TMEM120B: variants seen among roughly 807,000 people sequenced by gnomAD.
TMEM120B encodes transmembrane protein 120B.
TMEM120B carries 31 observed loss-of-function variants against 55.5 expected under a neutral mutation model. The ratio of observed to expected loss-of-function variants is 0.56; its 90% confidence interval spans 0.42 to 0.75. The LOEUF (loss-of-function observed/expected upper bound fraction) is 0.75. Among genes scored for constraint, TMEM120B ranks in the 30% least tolerant of loss-of-function variants. The probability of loss-of-function intolerance (pLI) is 0.00; values close to 1 mark genes in which losing one functional copy is unlikely to be tolerated. For synonymous variants in TMEM120B, 203 were observed against 176.3 expected, an observed-to-expected ratio of 1.15 and a Z score of -1.20; for missense variants, 399 against 425.5, an observed-to-expected ratio of 0.94 and a Z score of 0.55.
chr12:121,740,444 C>T (rs1372991735), intron 1 of TMEM120B, among the ~76,000 whole-genome samples: 1 of 151,484 alleles, frequency 6.6e-6, no homozygotes, highest in Non-Finnish European at 1.5e-5. Context: ...GAGATCATGC[C>T]ACTGCACTCC....
chr12:121,765,622 T>C (rs145033347), intron 6 of TMEM120B, among the ~76,000 whole-genome samples: 171 of 152,268 alleles, frequency 1.1e-3, no homozygotes, highest in African/African-American at 3.5e-3. Flanking sequence ...AGTCTAAAAG[T>C]ATTTGTGTTT....
At chr12:121,768,031 T>G (rs1592947447) in intron 6 of TMEM120B, among the ~76,000 whole-genome samples, 1 of 152,172 alleles carries the variant, frequency 6.6e-6, no homozygotes, top group African/African-American at 2.4e-5. Flanking sequence ...TGGTTGCTCT[T>G]CAAGCTGGAA....
At chr12:121,740,926 GTC>G (rs1435770582) in intron 1 of TMEM120B, among the ~76,000 whole-genome samples, 1 of 152,102 alleles carries the variant, frequency 6.6e-6, no homozygotes, top group Non-Finnish European at 1.5e-5. Flanking sequence ...GGGCCATATG[GTC>G]TCTGTCACAA....
rs559490702 is a variant in TMEM120B at position 121,732,702 on chromosome 12, G to A, written c.70-10927G>A. On this transcript the variant is annotated intron_variant, in intron 1 of 11. Transcript: ENST00000449592. ...ACTTACTAAATCTAATAACAAGGCCGGACGCGGTGGCTCACGCCTGTAATC... is the reference window on the plus strand; with the variant it reads ...ACTTACTAAATCTAATAACAAGGCCAGACGCGGTGGCTCACGCCTGTAATC... Among the ~76,000 whole-genome samples the A allele has an allele frequency of 2.1e-4, 32 of 152,054 alleles. No individual in the cohort carries two copies. In the East Asian group the frequency reaches 5.2e-3, roughly 25 times the overall value.
chr12:121,718,894 G>A (rs1229047388), intron 1 of TMEM120B, among the ~76,000 whole-genome samples: 1 of 152,032 alleles, frequency 6.6e-6, no homozygotes, highest in East Asian at 1.9e-4. Context: ...GTGTGTGGAT[G>A]TCTCTCTCTC....
Position 121,777,614 on chromosome 12 carries a change from T to C in TMEM120B, c.*1892T>C, listed in dbSNP as rs1064169. 0.22 allele frequency: 33,634 copies of C among 152,128 alleles called. 6,102 individuals are homozygous for C. The highest frequency in any genetic ancestry group is 0.49 in the African/African-American group (20,394 of 41,428). The allele number at this position is 152,128 out of a possible 1,614,324, so 9.4% of individuals were successfully genotyped here. On this transcript the variant is annotated 3_prime_UTR_variant, in exon 12 of 12. Transcript: ENST00000449592. ...TCTGGTCCTTTTTAGGCACCTGCGT[T>C]TGCCCTAGATTAGGAGTCAGCTAGC...
intron 5 of TMEM120B, among the ~76,000 whole-genome samples, chr12:121,756,227 G>GT (rs1369471409): frequency 6.6e-6 from 1 of 152,172 alleles, no homozygotes; most frequent in East Asian, 1.9e-4. Context: ...GCCGGGTGTG[G>GT]TGGTTCATGC....
chr12:121,734,474 T>C (rs2137068717), intron 1 of TMEM120B, among the ~76,000 whole-genome samples: 1 of 151,976 alleles, frequency 6.6e-6, no homozygotes, highest in Admixed American at 6.6e-5. Flanking sequence ...GTCAGGTTGG[T>C]CTCGAACTCC....
At chr12:121,722,265 ATTTT>A (rs1368914780) in intron 1 of TMEM120B, among the ~76,000 whole-genome samples, 1 of 151,936 alleles carries the variant, frequency 6.6e-6, no homozygotes, top group Non-Finnish European at 1.5e-5. Context: ...CAGCAGGCTA[ATTTT>A]TTTATTTGTA....
Position 121,778,015 on chromosome 12 carries a change from G to C in TMEM120B, c.*2293G>C, listed in dbSNP as rs1452929642. ...GCTGACGCCCCAGCACTGGGCCAGG[G>C]GGGCTGAGGCAGGAGATATGGGGAA... On this transcript the variant is annotated 3_prime_UTR_variant, in exon 12 of 12. Transcript: ENST00000449592. The C allele has an allele frequency of 2.6e-5, 4 of 152,208 alleles. No homozygotes were observed. The highest frequency in any genetic ancestry group is 9.7e-5 in the African/African-American group (4 of 41,440). 9.4% of individuals were successfully genotyped at this position (152,208 alleles called of 1,614,324 possible). A position where few individuals can be genotyped will look rare whatever the true frequency, so the allele number is the denominator to read the frequency against.
intron 5 of TMEM120B, among the ~76,000 whole-genome samples, chr12:121,752,720 C>G (rs1372878669): frequency 6.6e-6 from 1 of 152,010 alleles, no homozygotes; most frequent in Non-Finnish European, 1.5e-5. Context: ...TGCACTCCAG[C>G]CTGGGTGACA....
At chr12:121,750,745 C>T (rs1360393415) in intron 4 of TMEM120B, among the ~76,000 whole-genome samples, 11 of 142,364 alleles carry the variant, frequency 7.7e-5, no homozygotes, top group African/African-American at 2.9e-4. Context: ...ACCCCATACT[C>T]ACACCCCACA....
At position 121,748,312 on chromosome 12, in the gene TMEM120B, A is replaced by G. The variant is rs777675816; in HGVS notation, c.189-14A>G. The G allele has an allele frequency of 6.2e-7, 1 of 1,601,572 alleles. No homozygotes were observed. The highest frequency in any genetic ancestry group is 8.5e-7 in the Non-Finnish European group (1 of 1,170,610). ...GTGACGCCCCTTCCCCTGTGCCTGC[A>G]TCTCTGTCCGCAGGTGCAAACGCCA... On this transcript the variant is annotated splice_polypyrimidine_tract_variant and intron_variant, in intron 2 of 11. Transcript: ENST00000449592.
At chr12:121,758,924 C>T (rs1038162520) in intron 5 of TMEM120B, 44 of 984,242 alleles carry the variant, frequency 4.5e-5, no homozygotes, top group Non-Finnish European at 3.5e-5. Flanking sequence ...CTGTGGTCAC[C>T]ATGGAGGAGG....
chr12:121,718,805 G>A (rs752548340), intron 1 of TMEM120B, among the ~76,000 whole-genome samples: 3 of 152,200 alleles, frequency 2.0e-5, no homozygotes, highest in African/African-American at 7.2e-5. Flanking sequence ...TAAGCCAAAA[G>A]AGGGTTTATT....
chr12:121,757,421 A>T (rs1283485176), intron 5 of TMEM120B, among the ~76,000 whole-genome samples: 1 of 152,006 alleles, frequency 6.6e-6, no homozygotes, highest in Non-Finnish European at 1.5e-5. Context: ...GGCTCACTGC[A>T]AGCTCCGCCT....
At chr12:121,759,090 G>A in intron 5 of TMEM120B, 2 of 904,720 alleles carry the variant, frequency 2.2e-6, no homozygotes, top group Non-Finnish European at 2.6e-6. Context: ...TAACACTGCA[G>A]ACAACCTAAA....
chr12:121,741,960 A>G (rs1306361642), intron 1 of TMEM120B, among the ~76,000 whole-genome samples: 1 of 151,344 alleles, frequency 6.6e-6, no homozygotes, highest in Non-Finnish European at 1.5e-5. Context: ...ATTGTCATCT[A>G]GTTAATTCTT....
At chr12:121,753,271 C>T (rs1000620836) in intron 5 of TMEM120B, among the ~76,000 whole-genome samples, 6 of 151,986 alleles carry the variant, frequency 3.9e-5, no homozygotes, top group Admixed American at 2.0e-4. Flanking sequence ...TCTATAGAGA[C>T]GGGGAGTAGG....
Sources: allele counts gnomAD v4.1 joint callset (sites outside exome capture counted in the v4.1 genomes callset), GRCh38; gene constraint gnomAD v4.1.1; transcripts MANE v1.5; gene names NCBI Gene and HGNC (gene_info 2026-07-23, HGNC 2026-07-21).